GPM6A: variants seen among roughly 807,000 people sequenced by gnomAD.
GPM6A encodes the protein neuronal membrane glycoprotein M6-a.
A neutral mutation model predicts 32.1 loss-of-function variants in GPM6A; 7 were observed. The observed-to-expected ratio is 0.22, with a 90% CI of 0.12 to 0.41. The LOEUF (loss-of-function observed/expected upper bound fraction) is 0.41, where lower values mean the gene tolerates loss of function less well. Among genes scored for constraint, GPM6A ranks in the 10% least tolerant of loss-of-function variants. The pLI, the probability that GPM6A is intolerant of heterozygous loss-of-function variation, is 1.00. For synonymous variants in GPM6A, 130 were observed against 123.4 expected, an observed-to-expected ratio of 1.05 and a Z score of -0.35; for missense variants, 235 against 347.2, an observed-to-expected ratio of 0.68 and a Z score of 2.57.
chr4:175,890,478 G>A (rs1265252311), intron 1 of GPM6A, among the ~76,000 whole-genome samples: 1 of 148,326 alleles, frequency 6.7e-6, no homozygotes, highest in South Asian at 2.1e-4. Flanking sequence ...AACTGAATAT[G>A]TTTAGAGCAA....
upstream of GPM6A, among the ~76,000 whole-genome samples, chr4:175,815,821 G>A (rs953971128): frequency 4.0e-5 from 6 of 149,388 alleles, no homozygotes; most frequent in Non-Finnish European, 5.9e-5. Flanking sequence ...GGATTCAAGC[G>A]ATTCTCCTGC....
rs186363340 is a variant in GPM6A, at chr4:175,875,248, T to G, written c.-22-62999A>C. Among the ~76,000 whole-genome samples the G allele has an allele frequency of 5.3e-5, 8 of 152,364 alleles. 1 individual carries two copies. The highest frequency in any genetic ancestry group is 5.2e-4 in the Admixed American group (8 of 15,304). On this transcript the variant is annotated intron_variant, in intron 1 of 7. Transcript: ENST00000280187. ...CTGGCTTCTGGAGCTGGCTTTGTCTTGTCCTCTTCATGTCTGTTCCTCTAT... is the reference window on the plus strand; with the variant it reads ...CTGGCTTCTGGAGCTGGCTTTGTCTGGTCCTCTTCATGTCTGTTCCTCTAT...
At chr4:175,687,510 C>CT (rs1340856997) in intron 2 of GPM6A, among the ~76,000 whole-genome samples, 1 of 151,834 alleles carries the variant, frequency 6.6e-6, no homozygotes, top group East Asian at 1.9e-4. Context: ...GGATTTCCTC[C>CT]TTTTTTGTGG....
chr4:175,835,813 T>A (rs908890366), intron 1 of GPM6A, among the ~76,000 whole-genome samples: 63 of 148,252 alleles, frequency 4.2e-4, no homozygotes, highest in African/African-American at 1.3e-3. Flanking sequence ...ATAAACCTGT[T>A]ATATATAATA....
intron 1 of GPM6A, among the ~76,000 whole-genome samples, chr4:175,725,295 GTT>G (rs34600738): frequency 8.1e-4 from 106 of 130,286 alleles, no homozygotes; most frequent in South Asian, 1.7e-3. Flanking sequence ...TTGGGTTTTT[GTT>G]TTTTTTTTTT....
chr4:175,955,716 C>G (rs1030925593), intron 1 of GPM6A, among the ~76,000 whole-genome samples: 1 of 152,096 alleles, frequency 6.6e-6, no homozygotes, highest in Non-Finnish European at 1.5e-5. Context: ...ACAGCCAAAA[C>G]AAAGCTGTTT....
chr4:175,940,771 G>A (rs1164662329), intron 1 of GPM6A, among the ~76,000 whole-genome samples: 2 of 152,110 alleles, frequency 1.3e-5, no homozygotes, highest in Non-Finnish European at 2.9e-5. Context: ...ACCACACCCA[G>A]CTAATTTTTG....
intron 1 of GPM6A, among the ~76,000 whole-genome samples, chr4:175,888,816 G>A (rs1737543311): frequency 6.6e-6 from 1 of 152,034 alleles, no homozygotes; most frequent in African/African-American, 2.4e-5. Flanking sequence ...GGATTCCAAG[G>A]ATTCCAAGGA....
intron 1 of GPM6A, among the ~76,000 whole-genome samples, chr4:175,771,468 G>T (rs1215076673): frequency 1.3e-5 from 2 of 151,288 alleles, no homozygotes; most frequent in Non-Finnish European, 2.9e-5. Flanking sequence ...CTACTGAGGA[G>T]GCTGAGGCGG....
intron 1 of GPM6A, among the ~76,000 whole-genome samples, chr4:175,728,003 C>T (rs76244494): frequency 4.3e-4 from 42 of 96,982 alleles, no homozygotes; most frequent in Non-Finnish European, 5.2e-4. Flanking sequence ...GACTCCGTTT[C>T]AAAAAAAAAA....
intron 1 of GPM6A, among the ~76,000 whole-genome samples, chr4:175,804,952 G>A (rs967823982): frequency 6.6e-6 from 1 of 152,214 alleles, no homozygotes; most frequent in East Asian, 1.9e-4. Flanking sequence ...GGCTGAGGCA[G>A]GAGAATGGCG....
intron 1 of GPM6A, among the ~76,000 whole-genome samples, chr4:175,725,808 G>C (rs555696190): frequency 6.6e-6 from 1 of 151,912 alleles, no homozygotes; most frequent in African/African-American, 2.4e-5. Flanking sequence ...ATGCTATTTT[G>C]CATTTTAATA....
At chr4:175,687,023 T>G (rs1051477187) in intron 2 of GPM6A, among the ~76,000 whole-genome samples, 1 of 152,178 alleles carries the variant, frequency 6.6e-6, no homozygotes, top group East Asian at 1.9e-4. Flanking sequence ...TCTAGTCTAG[T>G]GTATAGATAT....
At chr4:175,700,953 A>T (rs1255361909) in intron 2 of GPM6A, among the ~76,000 whole-genome samples, 1 of 152,220 alleles carries the variant, frequency 6.6e-6, no homozygotes, top group Admixed American at 6.5e-5. Flanking sequence ...TGTTTAAGTT[A>T]CTTTTCTAAA....
At chr4:175,671,505 A>AAAAAAAAAC (rs1743064935) in intron 3 of GPM6A, among the ~76,000 whole-genome samples, 1 of 131,412 alleles carries the variant, frequency 7.6e-6, no homozygotes, top group Non-Finnish European at 1.7e-5. Flanking sequence ...AAAAAAAAAA[A>AAAAAAAAAC]AGCAGCATCA....
At chr4:175,801,212 C>T (rs1195645940) in intron 1 of GPM6A, among the ~76,000 whole-genome samples, 3 of 152,112 alleles carry the variant, frequency 2.0e-5, no homozygotes, top group East Asian at 3.8e-4. Context: ...AAGTTTACTA[C>T]ACTCCACATA....
chr4:175,659,000 A>C (rs1451615984), intron 3 of GPM6A, among the ~76,000 whole-genome samples: 1 of 152,168 alleles, frequency 6.6e-6, no homozygotes, highest in South Asian at 2.1e-4. Flanking sequence ...AGTGAGTGTA[A>C]GGGCTGAAAA....
In GPM6A at chr4:175,758,814, C is replaced by T. The variant is rs1579466983; in HGVS notation, c.37+53377G>A. ...CACACACTGAACATGCAGTTTACCT[C>T]CAGTGCCCAGGAGGCGGTCAGCTTT... On this transcript the variant is annotated intron_variant, in intron 1 of 6. Transcript: ENST00000393658. Among the ~76,000 whole-genome samples the T allele has an allele frequency of 2.0e-5, 3 of 152,064 alleles. No individual in the cohort carries two copies. In the South Asian group the frequency reaches 6.3e-4, roughly 32 times the overall value.
chr4:175,755,152 C>A (rs17658370), intron 1 of GPM6A, among the ~76,000 whole-genome samples: 14,372 of 151,966 alleles, frequency 0.095, 733 homozygotes, highest in East Asian at 0.13. Flanking sequence ...TAACAACATA[C>A]AGACCCAAGG....
Sources: allele counts gnomAD v4.1 joint callset (sites outside exome capture counted in the v4.1 genomes callset), GRCh38; gene constraint gnomAD v4.1.1; transcripts MANE v1.5; gene names NCBI Gene and HGNC (gene_info 2026-07-23, HGNC 2026-07-21).